Variants in PDS5B observed in about 807,000 individuals in gnomAD.
PDS5B encodes the protein sister chromatid cohesion protein PDS5 homolog B.
Under a neutral mutation model 184.1 loss-of-function variants are expected in PDS5B, and 51 were observed. That is an observed-to-expected ratio of 0.28 (90% CI 0.22 to 0.35). PDS5B has a LOEUF of 0.35. Among genes scored for constraint, PDS5B ranks in the 10% least tolerant of loss-of-function variants. The pLI, the probability that PDS5B is intolerant of heterozygous loss-of-function variation, is 1.00. For synonymous variants in PDS5B, 566 were observed against 569.2 expected, an observed-to-expected ratio of 0.99 and a Z score of 0.08; for missense variants, 1,180 against 1,723.3, an observed-to-expected ratio of 0.68 and a Z score of 5.58.
chr13:32,651,827 T>C lies in PDS5B; in HGVS notation c.132T>C (p.Asp44=). The C allele has an allele frequency of 1.2e-6, 2 of 1,610,654 alleles. No homozygotes were observed. The highest frequency in any genetic ancestry group is 1.7e-6 in the Non-Finnish European group (2 of 1,177,088). ...RLKMVVKTFM[D]MDQDSEEEKE... ...AGATGGTTGTGAAAACTTTTATGGA[T>C]ATGGACCAGGACTCTGAAGAAGAAA... The change falls in exon 3 of 35, where the codon GAT becomes GAC. Residue 44 remains aspartate, a synonymous_variant. Transcript: ENST00000315596.
chr13:32,651,685 G>A, intron 2 of PDS5B, 119 bp from the exon 3 acceptor site: 1 of 601,944 alleles, frequency 1.7e-6, no homozygotes, highest in Non-Finnish European at 2.9e-6. Flanking sequence ...GAGACTTTCT[G>A]CAGAAAAATG....
At chr13:32,771,589 T>C (rs1158091601) in intron 33 of PDS5B, among the ~76,000 whole-genome samples, 2 of 152,150 alleles carry the variant, frequency 1.3e-5, no homozygotes, top group Non-Finnish European at 2.9e-5. Flanking sequence ...CTTAGAGATT[T>C]TCCTATTCCT....
chr13:32,592,601 G>GTAC (rs1274477578), intron 1 of PDS5B, among the ~76,000 whole-genome samples: 7 of 152,058 alleles, frequency 4.6e-5, no homozygotes, highest in Non-Finnish European at 7.4e-5. Flanking sequence ...TGTCTCTTTG[G>GTAC]TACTATTCCT....
intron 19 of PDS5B, among the ~76,000 whole-genome samples, chr13:32,722,223 G>T (rs768132750): frequency 6.6e-6 from 1 of 152,214 alleles, no homozygotes; most frequent in Non-Finnish European, 1.5e-5. Flanking sequence ...AGGCGTGGCG[G>T]CGCACGCCTG....
chr13:32,774,339 C>T (rs1011612838), intron 34 of PDS5B, among the ~76,000 whole-genome samples: 3 of 152,174 alleles, frequency 2.0e-5, no homozygotes, highest in African/African-American at 4.8e-5. Context: ...GTTAAGTACA[C>T]AGGAAAATAT....
chr13:32,755,440 A>G (rs1954139561), intron 25 of PDS5B, among the ~76,000 whole-genome samples: 1 of 152,074 alleles, frequency 6.6e-6, no homozygotes, highest in East Asian at 1.9e-4. Context: ...TATTTTGCTC[A>G]GCAGCTTACA....
intron 3 of PDS5B, among the ~76,000 whole-genome samples, chr13:32,652,912 T>C (rs1950408129): frequency 1.3e-5 from 2 of 152,032 alleles, no homozygotes; most frequent in Non-Finnish European, 2.9e-5. Flanking sequence ...TTTAGGAAAA[T>C]GCTGGTAGAA....
chr13:32,718,162 T>TC (rs1355463593), intron 19 of PDS5B, among the ~76,000 whole-genome samples: 1 of 151,848 alleles, frequency 6.6e-6, no homozygotes, highest in Non-Finnish European at 1.5e-5. Flanking sequence ...TGAATTTTTT[T>TC]TTTTTTGAGA....
chr13:32,609,635 C>A (rs2140505165), intron 1 of PDS5B, among the ~76,000 whole-genome samples: 1 of 152,286 alleles, frequency 6.6e-6, no homozygotes, highest in East Asian at 1.9e-4. Context: ...AGTGGTGTCC[C>A]AGAGGAACTC....
At chr13:32,676,724 G>A (rs941955369) in intron 9 of PDS5B, among the ~76,000 whole-genome samples, 1 of 152,114 alleles carries the variant, frequency 6.6e-6, no homozygotes, top group Admixed American at 6.5e-5. Flanking sequence ...AAGGTCAGGA[G>A]ATCGAGACCA....
chr13:32,749,070 C>T (rs1169370213), intron 24 of PDS5B, among the ~76,000 whole-genome samples: 1 of 152,108 alleles, frequency 6.6e-6, no homozygotes, highest in Admixed American at 6.6e-5. Flanking sequence ...AACAACTGCA[C>T]GTATTTTACA....
chr13:32,672,077 T>G (rs76192184), intron 7 of PDS5B, among the ~76,000 whole-genome samples: 4 of 152,216 alleles, frequency 2.6e-5, no homozygotes, highest in African/African-American at 9.6e-5. Context: ...TGGATTTTCC[T>G]TGTGTTTGTG....
At chr13:32,693,706 A>G (rs7981925) in intron 13 of PDS5B, among the ~76,000 whole-genome samples, 55,368 of 149,688 alleles carry the variant, frequency 0.37, 10,858 homozygotes, top group Non-Finnish European at 0.44. Context: ...TTATAATACA[A>G]TATTGTTGCT....
chr13:32,726,622 T>C (rs1317656218), intron 19 of PDS5B, among the ~76,000 whole-genome samples: 1 of 152,230 alleles, frequency 6.6e-6, no homozygotes, highest in Non-Finnish European at 1.5e-5. Context: ...TTCCTAACTC[T>C]GGTCATCTTC....
chr13:32,632,122 A>T (rs531083900), intron 1 of PDS5B, among the ~76,000 whole-genome samples: 1 of 152,236 alleles, frequency 6.6e-6, no homozygotes, highest in Non-Finnish European at 1.5e-5. Context: ...AGAAGAAAAT[A>T]TGGGAGTAGA....
chr13:32,721,984 A>T (rs1952729850), intron 19 of PDS5B, among the ~76,000 whole-genome samples: 1 of 152,218 alleles, frequency 6.6e-6, no homozygotes, highest in Admixed American at 6.5e-5. Context: ...CAATCTCAGC[A>T]CTTTGGGAGG....
chr13:32,590,031 GATA>G (rs1214456872), intron 1 of PDS5B, among the ~76,000 whole-genome samples: 13 of 152,134 alleles, frequency 8.5e-5, no homozygotes, highest in African/African-American at 2.2e-4. Context: ...AAAAAATCAT[GATA>G]ATAAAACTTA....
At chr13:32,671,359 A>T (rs530696813) in intron 7 of PDS5B, among the ~76,000 whole-genome samples, 4 of 152,300 alleles carry the variant, frequency 2.6e-5, no homozygotes, top group African/African-American at 7.2e-5. Context: ...TGTTAGAAGA[A>T]GATGATGATG....
intron 19 of PDS5B, among the ~76,000 whole-genome samples, chr13:32,716,163 C>T (rs1304642007): frequency 7.8e-6 from 1 of 128,940 alleles, no homozygotes; most frequent in Non-Finnish European, 1.7e-5. Context: ...GCTGCCCAGT[C>T]TGGATAGTGA....
Sources: allele counts gnomAD v4.1 joint callset (sites outside exome capture counted in the v4.1 genomes callset), GRCh38; gene constraint gnomAD v4.1.1; transcripts MANE v1.5; gene names NCBI Gene and HGNC (gene_info 2026-07-23, HGNC 2026-07-21).